Variants in CLEC16A observed in about 807,000 individuals in gnomAD.
CLEC16A encodes the protein C-type lectin domain containing 16A.
In CLEC16A, 51 loss-of-function variants were observed where a neutral mutation model predicts 109.5. The observed-to-expected ratio is 0.47, with a 90% CI of 0.37 to 0.59. CLEC16A has a LOEUF of 0.59. Ranked by LOEUF, CLEC16A falls within the 20% of genes least tolerant of loss-of-function variation. The pLI, the probability that CLEC16A is intolerant of heterozygous loss-of-function variation, is 0.00. For missense variants in CLEC16A, 1,339 were observed against 1,394.0 expected (o/e 0.96, Z 0.63); for synonymous variants, 673 against 564.2 (o/e 1.19, Z -2.73).
chr16:11,012,016 C>T (rs1305169515), intron 11 of CLEC16A, among the ~76,000 whole-genome samples: 1 of 151,460 alleles, frequency 6.6e-6, no homozygotes, highest in African/African-American at 2.4e-5. Flanking sequence ...TTGCAATTTT[C>T]CCTCCCCCAT....
At chr16:11,162,643 A>T (rs896972136) in intron 22 of CLEC16A, among the ~76,000 whole-genome samples, 4 of 152,156 alleles carry the variant, frequency 2.6e-5, no homozygotes, top group Non-Finnish European at 4.4e-5. Context: ...TGCTTTTTCT[A>T]ACCTTTTTTC....
intron 10 of CLEC16A, among the ~76,000 whole-genome samples, chr16:10,991,675 C>T (rs557757234): frequency 8.5e-5 from 13 of 152,240 alleles, no homozygotes; most frequent in Admixed American, 3.3e-4. Context: ...CTGCAGTCAA[C>T]GTTGATTGTC....
At position 11,069,442 on chromosome 16, in the gene CLEC16A, AT is replaced by A. The variant is rs925491258; in HGVS notation, c.2116+8431del. ...CTGTGTCTGGCCTATTATTATTACT[AT>A]TTTTTTTTTTATACAAGGTCTCGCT... On this transcript the variant is annotated intron_variant, in intron 19 of 23. Coordinates refer to ENST00000409790, the MANE Select transcript of CLEC16A (RefSeq NM_015226.3). Among the ~76,000 whole-genome samples, 1,088 of 145,966 alleles carry A rather than the reference AT, an allele frequency of 7.5e-3. 7 individuals are homozygous for A. The highest frequency in any genetic ancestry group is 0.018 in the African/African-American group (716 of 39,864).
intron 13 of CLEC16A, among the ~76,000 whole-genome samples, chr16:11,033,379 T>C (rs1184958184): frequency 6.6e-6 from 1 of 152,130 alleles, no homozygotes; most frequent in East Asian, 1.9e-4. Context: ...TTTCCAGAAC[T>C]AACAAGCATG....
intron 13 of CLEC16A, among the ~76,000 whole-genome samples, chr16:11,028,613 TA>T (rs2046562091): frequency 6.6e-6 from 1 of 152,162 alleles, no homozygotes; most frequent in Non-Finnish European, 1.5e-5. Context: ...ATTGATTTTT[TA>T]AGCAAATCAG....
At chr16:11,160,378 G>C (rs1196511353) in intron 22 of CLEC16A, among the ~76,000 whole-genome samples, 1 of 152,108 alleles carries the variant, frequency 6.6e-6, no homozygotes, top group Non-Finnish European at 1.5e-5. Flanking sequence ...TCTGTGACCA[G>C]GTGTGAACCC....
chr16:11,020,336 G>T lies in CLEC16A; in HGVS notation c.1436+11G>T. 2 of 1,600,412 alleles carry T rather than the reference G, an allele frequency of 1.2e-6. No individual in the cohort carries two copies. The highest frequency in any genetic ancestry group is 2.3e-5 in the East Asian group (1 of 44,172). ...CACGCAATGGAGCAGGTAGCTGCCC[G>T]AGAGGTCGATGCTGAGTGCTCTCTC... is the stretch of plus-strand genomic sequence containing the variant. On this transcript the variant is annotated intron_variant, in intron 12 of 23. Transcript: ENST00000409790.
Position 11,099,283 on chromosome 16 carries a change from G to A in CLEC16A, c.2117-21332G>A, listed in dbSNP as rs142067115. On this transcript the variant is annotated intron_variant, in intron 19 of 23. Transcript: ENST00000409790. ...GGTCCCACACAGTGGACAGGGTCTC[G>A]TTTTCTTCCCTCTAACCCTTCGCTG... is the stretch of plus-strand genomic sequence containing the variant. Among the ~76,000 whole-genome samples, 354 of 152,300 alleles carry A rather than the reference G, an allele frequency of 2.3e-3. 1 individual carries two copies. Among genetic ancestry groups the A allele is most frequent in the African/African-American group, 7.6e-3 (316 of 41,552 alleles).
chr16:11,037,320 G>T (rs138349391), intron 13 of CLEC16A, among the ~76,000 whole-genome samples: 3 of 152,186 alleles, frequency 2.0e-5, no homozygotes, highest in African/African-American at 4.8e-5. Flanking sequence ...AGTGGTTTGA[G>T]CTGTGTCTCT....
intron 18 of CLEC16A, among the ~76,000 whole-genome samples, chr16:11,057,591 A>G (rs905563636): frequency 1.3e-5 from 2 of 152,166 alleles, no homozygotes; most frequent in African/African-American, 2.4e-5. Context: ...TTTATATTTG[A>G]GCTTGGTCAG....
chr16:11,163,947 A>T (rs974073389), intron 22 of CLEC16A, among the ~76,000 whole-genome samples: 1 of 152,172 alleles, frequency 6.6e-6, no homozygotes, highest in Non-Finnish European at 1.5e-5. Context: ...TGGGGGGTTT[A>T]CCGCTCTAAG....
At chr16:10,982,836 C>T (rs200484972) in intron 9 of CLEC16A, 42 bp from the exon 10 acceptor site, 6 of 1,185,252 alleles carry the variant, frequency 5.1e-6, no homozygotes, top group Non-Finnish European at 7.5e-6. Context: ...TTGAAAATAC[C>T]GCACACTTTC....
At chr16:10,973,172 A>G (rs2146416867) in intron 7 of CLEC16A, 111 bp downstream of exon 7, 3 of 1,262,794 alleles carry the variant, frequency 2.4e-6, no homozygotes, top group Non-Finnish European at 3.2e-6. Context: ...ACCTCTGTGT[A>G]GGCAGAGCAT....
chr16:11,127,693 A>G (rs1002631138), intron 22 of CLEC16A, among the ~76,000 whole-genome samples: 1 of 152,086 alleles, frequency 6.6e-6, no homozygotes. Flanking sequence ...ACACAGTGAG[A>G]CATCGTGTCT....
chr16:11,031,796 G>T (rs986445871), intron 13 of CLEC16A, among the ~76,000 whole-genome samples: 1 of 152,220 alleles, frequency 6.6e-6, no homozygotes, highest in African/African-American at 2.4e-5. Flanking sequence ...CGGTGGGGCA[G>T]GCTGAGGGTA....
intron 13 of CLEC16A, among the ~76,000 whole-genome samples, chr16:11,028,433 C>T (rs1443737315): frequency 6.6e-6 from 1 of 151,922 alleles, no homozygotes; most frequent in African/African-American, 2.4e-5. Flanking sequence ...GTCGACCAAG[C>T]CCAAGGACAT....
Position 11,166,405 on chromosome 16 carries a change from T to C in CLEC16A, c.2659T>C (p.Cys887Arg), listed in dbSNP as rs757067972. The C allele has an allele frequency of 6.2e-7, 1 of 1,603,100 alleles. No individual in the cohort carries two copies. The highest frequency in any genetic ancestry group is 1.1e-5 in the South Asian group (1 of 90,796). ...TCTTGCAGGCTTCGCCGTGGCCCAG[T>C]GCATAAACCAGCACAGCTCCCCGTC... ...DKVPGFAVAQ[C>R]INQHSSPSLS... The change falls in exon 23 of 24, where the codon TGC becomes CGC. Residue 887 changes from cysteine to arginine, a missense_variant. Coordinates refer to ENST00000409790, the MANE Select transcript of CLEC16A (RefSeq NM_015226.3).
rs117106892 is a variant in CLEC16A, at chr16:11,018,426, A to G, written c.1304-1767A>G. Among the ~76,000 whole-genome samples, 1,317 of 152,152 alleles carry G rather than the reference A, an allele frequency of 8.7e-3. 6 individuals carry two copies. The highest frequency in any genetic ancestry group is 0.013 in the Non-Finnish European group (883 of 67,988). On this transcript the variant is annotated intron_variant, in intron 11 of 23. Coordinates refer to ENST00000409790, the MANE Select transcript of CLEC16A (RefSeq NM_015226.3). Reference sequence around the variant, plus strand: ...CCTGGTGTGAGAGCCTTCCAGGCAGAGGAAATTACTGTGTAAAGATCCTTG... The same window carrying G: ...CCTGGTGTGAGAGCCTTCCAGGCAGGGGAAATTACTGTGTAAAGATCCTTG...
At chr16:11,173,076 C>T (rs1358253582) in intron 23 of CLEC16A, among the ~76,000 whole-genome samples, 4 of 152,146 alleles carry the variant, frequency 2.6e-5, no homozygotes. Flanking sequence ...CTTCACCCCA[C>T]CACACCTCCC....
Sources: allele counts gnomAD v4.1 joint callset (sites outside exome capture counted in the v4.1 genomes callset), GRCh38; gene constraint gnomAD v4.1.1; transcripts MANE v1.5; gene names NCBI Gene and HGNC (gene_info 2026-07-23, HGNC 2026-07-21).